The following C2orf74 variants were observed in gnomAD, a reference collection of about 807,000 sequenced individuals.
C2orf74 encodes uncharacterized protein C2orf74.
Under a neutral mutation model 17.9 loss-of-function variants are expected in C2orf74, and 14 were observed. That is an observed-to-expected ratio of 0.78 (90% confidence interval 0.52 to 1.22). The LOEUF (loss-of-function observed/expected upper bound fraction) is 1.22. C2orf74 is among the 50% of genes most tolerant of loss of function. C2orf74 has a pLI of 0.00. For synonymous variants in C2orf74, 79 were observed against 72.6 expected, an observed-to-expected ratio of 1.09 and a Z score of -0.44; for missense variants, 217 against 218.4, an observed-to-expected ratio of 0.99 and a Z score of 0.04.
rs746221134 is a variant in C2orf74 at position 61,162,903 on chromosome 2, G to T, written c.157G>T (p.Val53Leu). 2 of 1,552,584 alleles carry T rather than the reference G, an allele frequency of 1.3e-6. No individual in the cohort carries two copies. The highest frequency in any genetic ancestry group is 2.4e-5 in the South Asian group (2 of 84,064). The change falls in exon 3 of 5, where the codon GTA becomes TTA. Residue 53 changes from valine to leucine, a missense_variant. Physicochemically the swap from Val to Leu is conservative, Grantham distance 32. Transcript: ENST00000432605. ...GCCTTGTACAGATGCAAACGGAGGT[G>T]TAGACTGTGCAGCTGCCAAAGTGGT... The part of the protein sequence containing the change: ...KVPCTDANGG[V>L]DCAAAKVVTS...
intron 1 of C2orf74, among the ~76,000 whole-genome samples, chr2:61,149,955 C>G (rs1573705177): frequency 6.6e-6 from 1 of 152,110 alleles, no homozygotes; most frequent in Admixed American, 6.6e-5. Context: ...TTTGAGTAAA[C>G]AGAGGAAGTG....
Position 61,162,900 on chromosome 2 carries a change from G to C in C2orf74, c.154G>C (p.Gly52Arg). Reference sequence around the variant, plus strand: ...AGTGCCTTGTACAGATGCAAACGGAGGTGTAGACTGTGCAGCTGCCAAAGT... The same window carrying C: ...AGTGCCTTGTACAGATGCAAACGGACGTGTAGACTGTGCAGCTGCCAAAGT... The part of the protein sequence containing the change: ...KKVPCTDANG[G>R]VDCAAAKVVT... Residue 52 changes from glycine (G) to arginine (R), a missense_variant, in exon 3 of 5, where the codon GGT becomes CGT. Physicochemically the swap from Gly to Arg is moderately radical, Grantham distance 125 (BLOSUM62 -2). Transcript: ENST00000432605. 6.4e-7 allele frequency: 1 copy of C among 1,552,570 alleles called. No homozygotes were observed. The highest frequency in any genetic ancestry group is 8.7e-7 in the Non-Finnish European group (1 of 1,147,158).
At chr2:61,159,294 C>G (rs1029352456), upstream of C2orf74, 2 of 395,454 alleles carry the variant, frequency 5.1e-6, no homozygotes, top group South Asian at 3.7e-5. Context: ...CCACACCCAG[C>G]CTTTTTTTTT....
At position 61,163,198 on chromosome 2, in the gene C2orf74, A is replaced by T; in HGVS notation, c.356A>T (p.Glu119Val). The change falls in exon 4 of 5, where the codon GAG becomes GTG. Residue 119 changes from glutamate to valine, a missense_variant. Coordinates refer to ENST00000432605, the MANE Select transcript of C2orf74 (RefSeq NM_001143959.4). ...GAGAACCAAATAAATGAGAAGCAAG[A>T]GCCTGAGAATGCTGGAGAAACTGGT... ...EEENQINEKQ[E>V]PENAGETGQE... 2 of 1,552,290 alleles carry T rather than the reference A, an allele frequency of 1.3e-6. No homozygotes were observed. The highest frequency in any genetic ancestry group is 1.7e-6 in the Non-Finnish European group (2 of 1,147,110).
upstream of C2orf74, among the ~76,000 whole-genome samples, chr2:61,158,558 A>G (rs1035623670): frequency 1.3e-5 from 2 of 152,216 alleles, no homozygotes; most frequent in African/African-American, 4.8e-5. Flanking sequence ...CACTGAGACA[A>G]CGAGTATTGC....
chr2:61,155,755 C>A (rs765333474), intron 1 of C2orf74, among the ~76,000 whole-genome samples: 1 of 152,106 alleles, frequency 6.6e-6, no homozygotes, highest in Non-Finnish European at 1.5e-5. Context: ...CTCCTAACCA[C>A]GTTATCCACC....
chr2:61,154,952 C>G (rs1685350872), intron 1 of C2orf74, among the ~76,000 whole-genome samples: 1 of 151,910 alleles, frequency 6.6e-6, no homozygotes, highest in Non-Finnish European at 1.5e-5. Flanking sequence ...GTAATCCCAG[C>G]TACTTGGGAG....
chr2:61,157,869 A>G (rs1014755231), upstream of C2orf74: 5 of 471,032 alleles, frequency 1.1e-5, no homozygotes, highest in Admixed American at 9.4e-5. Flanking sequence ...CAGGATTTCA[A>G]CAGATCACAT....
intron 1 of C2orf74, chr2:61,152,055 C>T (rs1014547188): frequency 3.9e-5 from 6 of 152,306 alleles, no homozygotes; most frequent in African/African-American, 1.2e-4. Context: ...TGGTGAGTCT[C>T]ATTTGGAGTC....
At chr2:61,153,382 G>A (rs1453064693) in intron 1 of C2orf74, among the ~76,000 whole-genome samples, 6 of 151,060 alleles carry the variant, frequency 4.0e-5, no homozygotes, top group Non-Finnish European at 8.8e-5. Context: ...CTGGGTTCAT[G>A]CCATTCTCCT....
chr2:61,158,821 G>C (rs1480246130), upstream of C2orf74, among the ~76,000 whole-genome samples: 1 of 152,148 alleles, frequency 6.6e-6, no homozygotes, highest in Non-Finnish European at 1.5e-5. Flanking sequence ...ACTCTGATGA[G>C]ATAGTTTCAA....
intron 2 of C2orf74, 41 bp from the exon 3 acceptor site, chr2:61,162,801 C>T (rs1454122633): frequency 1.4e-6 from 2 of 1,474,860 alleles, no homozygotes; most frequent in South Asian, 1.2e-5. Context: ...AAAATCAGGG[C>T]CATTCTTCCT....
At chr2:61,161,093 A>AC (rs1007563397), upstream of C2orf74, among the ~76,000 whole-genome samples, 24 of 152,140 alleles carry the variant, frequency 1.6e-4, no homozygotes, top group African/African-American at 5.8e-4. Flanking sequence ...TAAAATAATA[A>AC]CCCCCCTATT....
In C2orf74 at chr2:61,162,898, G is replaced by A. The variant is rs1397283917; in HGVS notation, c.152G>A (p.Gly51Glu). 6.4e-7 allele frequency: 1 copy of A among 1,552,544 alleles called. No homozygotes were observed. Among genetic ancestry groups the A allele is most frequent in the Non-Finnish European group, 8.7e-7 (1 of 1,147,150 alleles). Residue 51 changes from glycine (G) to glutamate (E), a missense_variant, in exon 3 of 5, where the codon GGA becomes GAA. Coordinates refer to ENST00000432605, the MANE Select transcript of C2orf74 (RefSeq NM_001143959.4). ...AAAGTGCCTTGTACAGATGCAAACG[G>A]AGGTGTAGACTGTGCAGCTGCCAAA... Reference protein sequence around the residue: ...TKKVPCTDANGGVDCAAAKVV... With the variant: ...TKKVPCTDANEGVDCAAAKVV...
At chr2:61,150,028 G>A (rs913766657) in intron 1 of C2orf74, among the ~76,000 whole-genome samples, 1 of 152,160 alleles carries the variant, frequency 6.6e-6, no homozygotes. Flanking sequence ...AGGTGTTATG[G>A]TCATGTTGCA....
At chr2:61,145,551 G>A (rs1038897343) in intron 1 of C2orf74, among the ~76,000 whole-genome samples, 3 of 151,796 alleles carry the variant, frequency 2.0e-5, no homozygotes, top group African/African-American at 7.3e-5. Context: ...AGCCTCCCGA[G>A]TAGCTGGAAT....
Position 61,163,038 on chromosome 2 carries a change from G to A in C2orf74, c.210-14G>A, listed in dbSNP as rs541406756. ...ATGCATGAATGTTTAAAACTCTACC[G>A]ATTAATTTTCTAGGATCTTAATGCA... On this transcript the variant is annotated splice_polypyrimidine_tract_variant and intron_variant, in intron 3 of 4. Transcript: ENST00000432605. The A allele has an allele frequency of 1.2e-5, 19 of 1,551,942 alleles. No individual in the cohort carries two copies. In the Admixed American group the frequency reaches 3.5e-4, roughly 29 times the overall value.
intron 1 of C2orf74, among the ~76,000 whole-genome samples, chr2:61,147,352 A>G (rs1015828864): frequency 6.6e-6 from 1 of 151,992 alleles, no homozygotes; most frequent in African/African-American, 2.4e-5. Context: ...GGGGTGAGCC[A>G]CTTTTCCCAG....
upstream of C2orf74, among the ~76,000 whole-genome samples, chr2:61,158,559 C>T (rs141824046): frequency 7.3e-4 from 111 of 152,266 alleles, no homozygotes; most frequent in East Asian, 0.014. Context: ...ACTGAGACAA[C>T]GAGTATTGCC....
Sources: allele counts gnomAD v4.1 joint callset (sites outside exome capture counted in the v4.1 genomes callset), GRCh38; gene constraint gnomAD v4.1.1; transcripts MANE v1.5; gene names NCBI Gene and HGNC (gene_info 2026-07-23, HGNC 2026-07-21).